The following RUNX2 variants were observed in gnomAD, a reference collection of about 807,000 sequenced individuals.
RUNX2 encodes runt-related transcription factor 2.
Under a neutral mutation model 51.7 loss-of-function variants are expected in RUNX2, and 10 were observed. The observed-to-expected ratio is 0.19, with a 90% CI of 0.12 to 0.33. The LOEUF is 0.33. Among genes scored for constraint, RUNX2 ranks in the 10% least tolerant of loss-of-function variants. RUNX2 has a pLI of 1.00. For synonymous variants in RUNX2, 276 were observed against 273.6 expected (o/e 1.01, Z -0.09); for missense variants, 562 against 691.3 (o/e 0.81, Z 2.10).
intron 5 of RUNX2, among the ~76,000 whole-genome samples, chr6:45,440,459 C>A (rs982553072): frequency 6.6e-6 from 1 of 152,168 alleles, no homozygotes; most frequent in South Asian, 2.1e-4. Context: ...GACTGGCACA[C>A]GTTTTCTACG....
At chr6:45,486,315 A>G (rs942964135) in intron 5 of RUNX2, among the ~76,000 whole-genome samples, 12 of 152,068 alleles carry the variant, frequency 7.9e-5, no homozygotes, top group African/African-American at 2.9e-4. Flanking sequence ...ATATTATCTT[A>G]TATATTTTTC....
intron 2 of RUNX2, among the ~76,000 whole-genome samples, chr6:45,376,706 A>G (rs1468513909): frequency 6.6e-6 from 1 of 152,240 alleles, no homozygotes; most frequent in African/African-American, 2.4e-5. Flanking sequence ...TGTTTCTCAT[A>G]GGCAAATTCA....
chr6:45,482,108 C>T (rs556184304), intron 5 of RUNX2, among the ~76,000 whole-genome samples: 13 of 152,294 alleles, frequency 8.5e-5, no homozygotes, highest in African/African-American at 2.9e-4. Flanking sequence ...CGAAGTTAGC[C>T]GGATTCCCGG....
chr6:45,438,152 T>G (rs951636326), intron 5 of RUNX2, 101 bp downstream of exon 5: 4 of 799,264 alleles, frequency 5.0e-6, no homozygotes, highest in Non-Finnish European at 8.8e-6. Flanking sequence ...GTCCATAGTG[T>G]CTTTGTGGAC....
At chr6:45,539,477 A>G (rs1164974940) in intron 7 of RUNX2, among the ~76,000 whole-genome samples, 2 of 152,196 alleles carry the variant, frequency 1.3e-5, no homozygotes, top group East Asian at 3.8e-4. Flanking sequence ...GATCCATTGC[A>G]TGTCTTCTAT....
chr6:45,497,155 C>A (rs1465402065), intron 6 of RUNX2, among the ~76,000 whole-genome samples: 2 of 152,226 alleles, frequency 1.3e-5, no homozygotes, highest in Non-Finnish European at 2.9e-5. Flanking sequence ...ACCCAAGGGG[C>A]TTCCCTTCTC....
intron 3 of RUNX2, among the ~76,000 whole-genome samples, chr6:45,431,165 A>G (rs910464802): frequency 1.3e-5 from 2 of 152,202 alleles, no homozygotes; most frequent in Non-Finnish European, 1.5e-5. Flanking sequence ...GGCAGATGGG[A>G]CACAAGACAT....
chr6:45,385,692 G>C lies in RUNX2; in HGVS notation c.59-36901G>C, dbSNP rs146251246. Reference sequence around the variant, plus strand: ...AGGTGGGTGGATCGCTTGAGGTCAGGTGTTCAAGACCAGCCTAGTCAATAT... The same window carrying C: ...AGGTGGGTGGATCGCTTGAGGTCAGCTGTTCAAGACCAGCCTAGTCAATAT... On this transcript the variant is annotated intron_variant, in intron 2 of 8. Transcript: ENST00000647337. 7.6e-3 allele frequency among the ~76,000 whole-genome samples: 1,161 copies of C among 152,290 alleles called. 16 individuals are homozygous for C. The highest frequency in any genetic ancestry group is 0.026 in the African/African-American group (1,094 of 41,560).
intron 7 of RUNX2, among the ~76,000 whole-genome samples, chr6:45,531,749 C>CT (rs1801853324): frequency 6.8e-6 from 1 of 147,294 alleles, no homozygotes; most frequent in Non-Finnish European, 1.5e-5. Flanking sequence ...GAGATTCTGT[C>CT]TAAAAAAAAA....
At chr6:45,537,803 G>A (rs923375495) in intron 7 of RUNX2, among the ~76,000 whole-genome samples, 3 of 152,112 alleles carry the variant, frequency 2.0e-5, no homozygotes, top group South Asian at 2.1e-4. Context: ...TGAAAGAAAC[G>A]CTGCGCAGAT....
chr6:45,489,269 G>A (rs1005764697), intron 5 of RUNX2, among the ~76,000 whole-genome samples: 3 of 152,170 alleles, frequency 2.0e-5, no homozygotes, highest in African/African-American at 7.2e-5. Flanking sequence ...ATTTCCAAAA[G>A]ATCATGAAGG....
At chr6:45,356,278 T>C (rs1793156425) in intron 2 of RUNX2, among the ~76,000 whole-genome samples, 1 of 152,138 alleles carries the variant, frequency 6.6e-6, no homozygotes, top group African/African-American at 2.4e-5. Context: ...GATGGCATAC[T>C]CATTTGAATA....
At chr6:45,533,848 C>T (rs1186835561) in intron 7 of RUNX2, among the ~76,000 whole-genome samples, 1 of 151,346 alleles carries the variant, frequency 6.6e-6, no homozygotes, top group African/African-American at 2.4e-5. Flanking sequence ...GTGCCCTGTG[C>T]CCTGTTTTTA....
At chr6:45,369,818 T>C (rs1406384303) in intron 2 of RUNX2, among the ~76,000 whole-genome samples, 1 of 152,144 alleles carries the variant, frequency 6.6e-6, no homozygotes, top group Non-Finnish European at 1.5e-5. Context: ...TAACAAATAC[T>C]ATGAAATCAA....
chr6:45,500,834 T>C (rs1447709374), intron 6 of RUNX2, among the ~76,000 whole-genome samples: 3 of 152,042 alleles, frequency 2.0e-5, no homozygotes, highest in African/African-American at 7.2e-5. Context: ...TAGGACTAGG[T>C]AGGATTCAGT....
intron 6 of RUNX2, among the ~76,000 whole-genome samples, chr6:45,499,508 T>C (rs2150412040): frequency 6.6e-6 from 1 of 152,332 alleles, no homozygotes; most frequent in East Asian, 1.9e-4. Flanking sequence ...GTCAACCCGT[T>C]ATGTTGTTGC....
intron 7 of RUNX2, among the ~76,000 whole-genome samples, chr6:45,523,016 C>T (rs12195878): frequency 0.2 from 30,336 of 152,174 alleles, 3,492 homozygotes; most frequent in Non-Finnish European, 0.26. Context: ...GCATATACAT[C>T]CCCATATGCA....
intron 6 of RUNX2, among the ~76,000 whole-genome samples, chr6:45,494,687 C>G (rs2150409226): frequency 6.6e-6 from 1 of 152,270 alleles, no homozygotes; most frequent in South Asian, 2.1e-4. Context: ...CAAGGAGATG[C>G]AGTGTTCTAC....
At chr6:45,447,174 A>G (rs911016289) in intron 5 of RUNX2, among the ~76,000 whole-genome samples, 7 of 152,222 alleles carry the variant, frequency 4.6e-5, no homozygotes, top group Non-Finnish European at 8.8e-5. Flanking sequence ...AATCCTGGGT[A>G]CTAGAAAGTA....
Sources: allele counts gnomAD v4.1 joint callset (sites outside exome capture counted in the v4.1 genomes callset), GRCh38; gene constraint gnomAD v4.1.1; transcripts MANE v1.5; gene names NCBI Gene and HGNC (gene_info 2026-07-23, HGNC 2026-07-21).